The following ZNF729 variants were observed in gnomAD, a reference collection of about 807,000 sequenced individuals.
ZNF729 encodes the protein zinc finger protein 729.
In ZNF729, 15 loss-of-function variants were observed where a neutral mutation model predicts 12.2. That is an observed-to-expected ratio of 1.23 (90% CI 0.82 to 1.89). The LOEUF (loss-of-function observed/expected upper bound fraction) is 1.89. Among genes scored for constraint, ZNF729 ranks in the 40% most tolerant of loss-of-function variants. The pLI is 0.00. For missense variants in ZNF729, 1,540 were observed against 1,456.7 expected (o/e 1.06, Z -0.93); for synonymous variants, 492 against 476.3 (o/e 1.03, Z -0.43).
At chr19:22,300,210 A>T (rs1017242762) in intron 1 of ZNF729, among the ~76,000 whole-genome samples, 1 of 152,314 alleles carries the variant, frequency 6.6e-6, no homozygotes, top group Admixed American at 6.5e-5. Context: ...ATTAGCCTGC[A>T]TGGCTAGCCT....
intron 3 of ZNF729, among the ~76,000 whole-genome samples, chr19:22,305,813 A>G (rs1968371256): frequency 6.6e-6 from 1 of 152,070 alleles, no homozygotes. Context: ...TAATTAATTA[A>G]TTAATGAAAT....
chr19:22,299,756 A>G (rs1444646796), intron 1 of ZNF729: 6 of 152,174 alleles, frequency 3.9e-5, no homozygotes, highest in Non-Finnish European at 8.8e-5. Flanking sequence ...CACATTGTAA[A>G]TAAAAACTGA....
chr19:22,307,123 GT>G (rs1051457786), intron 3 of ZNF729, among the ~76,000 whole-genome samples: 3 of 151,222 alleles, frequency 2.0e-5, no homozygotes, highest in African/African-American at 7.3e-5. Context: ...TTATATATGG[GT>G]TTTTGATGCT....
In ZNF729 at chr19:22,310,092, A is replaced by T. The variant is rs185906991; in HGVS notation, c.254-3579A>T. Among the ~76,000 whole-genome samples, 41 of 152,084 alleles carry T rather than the reference A, an allele frequency of 2.7e-4. 2 individuals are homozygous for T. In the East Asian group the frequency reaches 7.8e-3, roughly 29 times the overall value. On this transcript the variant is annotated intron_variant, in intron 3 of 3. Transcript: ENST00000601693. Reference sequence around the variant, plus strand: ...TCTGAAAGCTTTGCTGAATTATTTTATCATTTCTAGGAGCTTTCTTGAAAA... The same window carrying T: ...TCTGAAAGCTTTGCTGAATTATTTTTTCATTTCTAGGAGCTTTCTTGAAAA...
Position 22,316,193 on chromosome 19 carries a change from C to G in ZNF729, c.2776C>G (p.His926Asp). 6.2e-7 allele frequency: 1 copy of G among 1,612,800 alleles called. No individual in the cohort carries two copies. ...AFKHFSALRK[H>D]KIIHTGKKPY... ...TAAGCATTTCTCAGCCCTTAGAAAA[C>G]ATAAGATAATTCATACTGGAAAGAA... The change falls in exon 4 of 4, where the codon CAT becomes GAT. Residue 926 changes from histidine (H) to aspartate (D), a missense_variant. Transcript: ENST00000601693.
Position 22,315,034 on chromosome 19 carries a change from T to C in ZNF729, c.1617T>C (p.Thr539=). 6.2e-7 allele frequency: 1 copy of C among 1,611,684 alleles called. No individual in the cohort carries two copies. Among genetic ancestry groups the C allele is most frequent in the East Asian group, 2.2e-5 (1 of 44,842 alleles). The change falls in exon 4 of 4, where the codon ACT becomes ACC. Residue 539 remains threonine, a synonymous_variant. Coordinates refer to ENST00000601693, the MANE Select transcript of ZNF729 (RefSeq NM_001242680.2). ...STLRNHQIIH[T]GEKPYKCEEC... ...TTAGAAACCATCAGATAATTCATACTGGAGAGAAACCCTACAAATGTGAAG... is the reference window on the plus strand; with the variant it reads ...TTAGAAACCATCAGATAATTCATACCGGAGAGAAACCCTACAAATGTGAAG...
intron 1 of ZNF729, among the ~76,000 whole-genome samples, chr19:22,290,464 A>G (rs1296673878): frequency 6.6e-6 from 1 of 152,232 alleles, no homozygotes; most frequent in African/African-American, 2.4e-5. Context: ...CAAGGATTGC[A>G]AAGTTTAGGC....
At chr19:22,312,341 A>G (rs1968460191) in intron 3 of ZNF729, among the ~76,000 whole-genome samples, 1 of 152,060 alleles carries the variant, frequency 6.6e-6, no homozygotes, top group Admixed American at 6.6e-5. Context: ...TGGAATCTTC[A>G]TAATGTAGCC....
intron 1 of ZNF729, among the ~76,000 whole-genome samples, chr19:22,298,005 C>CAAA (rs34435303): frequency 5.4e-3 from 364 of 67,688 alleles, no homozygotes; most frequent in East Asian, 7.2e-3. Flanking sequence ...AACTCCATCT[C>CAAA]AAAAAAAAAA....
rs1049235336 is a variant in ZNF729, at chr19:22,316,642, C to T, written c.3225C>T (p.Pro1075=). The T allele has an allele frequency of 1.2e-6, 2 of 1,612,526 alleles. No homozygotes were observed. The highest frequency in any genetic ancestry group is 2.7e-5 in the African/African-American group (2 of 74,760). Residue 1075 remains proline, a synonymous_variant, in exon 4 of 4, where the codon CCC becomes CCT. Coordinates refer to ENST00000601693, the MANE Select transcript of ZNF729 (RefSeq NM_001242680.2). ...EHKVIHTGEK[P]CKCEECDKAF... is the part of the protein sequence containing the mutation. Reference sequence around the variant, plus strand: ...AGGTAATTCATACTGGAGAGAAACCCTGCAAATGTGAAGAATGTGACAAAG... The same window carrying T: ...AGGTAATTCATACTGGAGAGAAACCTTGCAAATGTGAAGAATGTGACAAAG...
At chr19:22,307,800 GTT>G in intron 3 of ZNF729, among the ~76,000 whole-genome samples, 3,617 of 53,194 alleles carry the variant, frequency 0.068, 51 homozygotes, top group African/African-American at 0.14. Flanking sequence ...AAAGCTCTGT[GTT>G]TTTTTTTTTT....
In ZNF729 at chr19:22,315,553, C is replaced by T; in HGVS notation, c.2136C>T (p.Tyr712=). The change falls in exon 4 of 4, where the codon TAC becomes TAT. Residue 712 remains tyrosine, a synonymous_variant. Transcript: ENST00000601693. ...TAATTCATACTGGAGAGAAACCCTA[C>T]AAATGTGAAGAATGTGGTAAAGCTT... ...HKIIHTGEKP[Y]KCEECGKAFK... The T allele has an allele frequency of 6.2e-7, 1 of 1,610,798 alleles. No individual in the cohort carries two copies. The highest frequency in any genetic ancestry group is 1.1e-5 in the South Asian group (1 of 91,044).
intron 1 of ZNF729, among the ~76,000 whole-genome samples, chr19:22,295,407 T>TTTA (rs1968216576): frequency 7.0e-6 from 1 of 142,840 alleles, no homozygotes; most frequent in African/African-American, 2.6e-5. Flanking sequence ...TTTTTTTTTT[T>TTTA]GAGACAGAGT....
At chr19:22,313,416 T>A (rs536851351) in intron 3 of ZNF729, among the ~76,000 whole-genome samples, 2 of 152,226 alleles carry the variant, frequency 1.3e-5, no homozygotes, top group Non-Finnish European at 2.9e-5. Context: ...TGGGAAACTG[T>A]AACCGACTTC....
At chr19:22,291,246 C>G (rs560987070) in intron 1 of ZNF729, among the ~76,000 whole-genome samples, 6 of 152,256 alleles carry the variant, frequency 3.9e-5, no homozygotes, top group African/African-American at 9.6e-5. Context: ...CTGCTTTTCT[C>G]TACACAGGCC....
Position 22,314,949 on chromosome 19 carries a change from C to T in ZNF729, c.1532C>T (p.Thr511Ile), listed in dbSNP as rs1968508429. Residue 511 changes from threonine to isoleucine, a missense_variant, in exon 4 of 4, where the codon ACT becomes ATT. Thr to Ile is a moderately conservative substitution (Grantham distance 89). Transcript: ENST00000601693. ...SDLRRHKIIH[T>I]GKKPYKCEEC... ...CTTAGAAGACATAAGATAATTCATA[C>T]TGGAAAGAAACCCTACAAATGTGAA... The T allele has an allele frequency of 1.9e-6, 3 of 1,612,398 alleles. No homozygotes were observed. Among genetic ancestry groups the T allele is most frequent in the Non-Finnish European group, 2.5e-6 (3 of 1,179,724 alleles).
In ZNF729 at chr19:22,316,671, T is replaced by G. The variant is rs1285633854; in HGVS notation, c.3254T>G (p.Phe1085Cys). The G allele has an allele frequency of 6.2e-7, 1 of 1,612,770 alleles. No individual in the cohort carries two copies. The highest frequency in any genetic ancestry group is 8.5e-7 in the Non-Finnish European group (1 of 1,179,796). The part of the protein sequence containing the change: ...PCKCEECDKA[F>C]KHFSALRKHK... ...AAATGTGAAGAATGTGACAAAGCTT[T>G]TAAGCATTTCTCAGCCCTTAGAAAA... The change falls in exon 4 of 4, where the codon TTT (phenylalanine) becomes TGT (cysteine). Residue 1085 changes from phenylalanine to cysteine, a missense_variant. Coordinates refer to ENST00000601693, the MANE Select transcript of ZNF729 (RefSeq NM_001242680.2).
Position 22,316,939 on chromosome 19 carries a change from C to A in ZNF729, c.3522C>A (p.His1174Gln). 6.2e-7 allele frequency: 1 copy of A among 1,612,984 alleles called. No individual in the cohort carries two copies. ...GCAAAGCCTTTAACCAGTCCTCACA[C>A]CTTACTAGACACAAAACAATTCATA... ...ECGKAFNQSS[H>Q]LTRHKTIHTG... is the part of the protein sequence containing the mutation. The change falls in exon 4 of 4, where the codon CAC (histidine) becomes CAA (glutamine). Residue 1174 changes from histidine (H) to glutamine (Q), a missense_variant. Physicochemically the swap from His to Gln is conservative, Grantham distance 24. Coordinates refer to ENST00000601693, the MANE Select transcript of ZNF729 (RefSeq NM_001242680.2).
chr19:22,292,074 C>T (rs1968163258), intron 1 of ZNF729, among the ~76,000 whole-genome samples: 1 of 152,076 alleles, frequency 6.6e-6, no homozygotes, highest in Non-Finnish European at 1.5e-5. Context: ...TTCAGGGGTA[C>T]ATGTGCAGGT....
Sources: gnomAD v4.1 joint callset for allele counts (sites outside exome capture counted in the v4.1 genomes callset) on GRCh38, gnomAD v4.1.1 for gene constraint, MANE v1.5 for transcripts, NCBI Gene and HGNC (gene_info 2026-07-23, HGNC 2026-07-21) for gene names.